JMJD1C: variants seen among roughly 807,000 people sequenced by gnomAD.
The protein encoded by JMJD1C is jumonji domain-containing protein 1C.
JMJD1C carries 31 observed loss-of-function variants against 245.3 expected under a neutral mutation model. The ratio of observed to expected loss-of-function variants is 0.13; its 90% CI spans 0.09 to 0.17. JMJD1C has a LOEUF of 0.17. Ranked by LOEUF, JMJD1C falls within the 10% of genes least tolerant of loss-of-function variation. JMJD1C has a pLI of 1.00. For missense variants in JMJD1C, 2,691 were observed against 3,000.2 expected, an observed-to-expected ratio of 0.90 and a Z score of 2.41; for synonymous variants, 1,057 against 1,017.4, an observed-to-expected ratio of 1.04 and a Z score of -0.74.
intron 2 of JMJD1C, among the ~76,000 whole-genome samples, chr10:63,358,290 T>C (rs1945034422): frequency 1.3e-5 from 2 of 152,056 alleles, no homozygotes; most frequent in African/African-American, 4.8e-5. Context: ...TACAACATCA[T>C]AGAAATCCTG....
upstream of JMJD1C, among the ~76,000 whole-genome samples, chr10:63,470,169 TATA>T (rs1953444865): frequency 6.6e-6 from 1 of 152,134 alleles, no homozygotes; most frequent in South Asian, 2.1e-4. Context: ...TTTTTCCCTT[TATA>T]GGATATATAA....
intron 1 of JMJD1C, among the ~76,000 whole-genome samples, chr10:63,435,803 A>C (rs1341702202): frequency 6.6e-6 from 1 of 152,166 alleles, no homozygotes; most frequent in South Asian, 2.1e-4. Context: ...GGAGGCTGAG[A>C]TATGAGAACT....
At chr10:63,517,713 G>A (rs985253842) in intron 1 of JMJD1C, among the ~76,000 whole-genome samples, 64 of 151,412 alleles carry the variant, frequency 4.2e-4, no homozygotes, top group Admixed American at 4.1e-3. Flanking sequence ...CTAGGCAGAA[G>A]GTACTATATT....
chr10:63,170,015 AT>A (rs149444644), intron 24 of JMJD1C, among the ~76,000 whole-genome samples: 162 of 152,268 alleles, frequency 1.1e-3, no homozygotes, highest in African/African-American at 3.9e-3. Flanking sequence ...TATGTCTTTC[AT>A]TTATCTGAAC....
chr10:63,193,328 C>A lies in JMJD1C; in HGVS notation c.5862+17G>T. The A allele has an allele frequency of 6.3e-7, 1 of 1,575,052 alleles. No homozygotes were observed. The highest frequency in any genetic ancestry group is 1.2e-5 in the South Asian group (1 of 84,702). ...TAACCACAGATTTTATTTGAATAACCAGAGATTTTTACTCACTTGAGATAC... is the reference window on the plus strand; with the variant it reads ...TAACCACAGATTTTATTTGAATAACAAGAGATTTTTACTCACTTGAGATAC... On this transcript the variant is annotated intron_variant, in intron 15 of 25. Transcript: ENST00000399262.
At chr10:63,202,719 T>C (rs1846164391) in intron 10 of JMJD1C, 1 of 985,326 alleles carries the variant, frequency 1.0e-6, no homozygotes, top group Admixed American at 6.1e-5. Context: ...ATAAACCCAT[T>C]TCCAGAAGAC....
chr10:63,363,185 G>A (rs1041812360), intron 2 of JMJD1C, among the ~76,000 whole-genome samples: 3 of 151,402 alleles, frequency 2.0e-5, no homozygotes, highest in Non-Finnish European at 4.4e-5. Context: ...AAGTGGTGAA[G>A]AGGTTAGCTT....
At chr10:63,427,428 G>T in intron 1 of JMJD1C, 2 of 1,133,986 alleles carry the variant, frequency 1.8e-6, no homozygotes, top group Admixed American at 1.8e-5. Context: ...ACCGGGAGGT[G>T]ACTGCTGACC....
chr10:63,452,400 A>G (rs1952126206), intron 1 of JMJD1C, among the ~76,000 whole-genome samples: 2 of 152,226 alleles, frequency 1.3e-5, no homozygotes, highest in African/African-American at 4.8e-5. Flanking sequence ...CACACTCACT[A>G]GGATGGCTAT....
intron 16 of JMJD1C, 130 bp downstream of exon 16, chr10:63,192,808 A>G (rs958295249): frequency 4.3e-6 from 3 of 695,594 alleles, no homozygotes; most frequent in Non-Finnish European, 7.3e-6. Context: ...AACCTAACCC[A>G]TAATTCAAGA....
intron 8 of JMJD1C, among the ~76,000 whole-genome samples, chr10:63,213,181 T>C (rs1371586935): frequency 9.4e-5 from 13 of 137,844 alleles, no homozygotes; most frequent in African/African-American, 3.2e-4. Context: ...TGAGACTCCA[T>C]CTCAAAAAAA....
chr10:63,264,591 C>A, intron 3 of JMJD1C, 60 bp downstream of exon 3: 1 of 747,734 alleles, frequency 1.3e-6, no homozygotes, highest in Non-Finnish European at 2.2e-6. Flanking sequence ...TAAAGAATGT[C>A]TGAATATCAA....
chr10:63,456,752 A>T (rs1203393557), intron 1 of JMJD1C, among the ~76,000 whole-genome samples: 1 of 152,158 alleles, frequency 6.6e-6, no homozygotes, highest in South Asian at 2.1e-4. Flanking sequence ...AATTTTCATA[A>T]GCAATATAGC....
intron 2 of JMJD1C, among the ~76,000 whole-genome samples, chr10:63,293,128 TC>T (rs1228687816): frequency 2.0e-5 from 3 of 152,178 alleles, no homozygotes. Flanking sequence ...CACATTCTAA[TC>T]CCCATTATCA....
At chr10:63,394,853 A>G (rs534589954) in intron 1 of JMJD1C, among the ~76,000 whole-genome samples, 19 of 151,924 alleles carry the variant, frequency 1.3e-4, no homozygotes, top group African/African-American at 4.6e-4. Context: ...ACAAAAAAAA[A>G]AAAAAGTGAT....
chr10:63,375,184 T>G (rs1022956074), intron 2 of JMJD1C, among the ~76,000 whole-genome samples: 3 of 18,278 alleles, frequency 1.6e-4, no homozygotes, highest in Non-Finnish European at 6.8e-4. Flanking sequence ...AAAAATTGGC[T>G]TTTTTTTTTT....
At chr10:63,434,043 T>C (rs1310214759) in intron 1 of JMJD1C, among the ~76,000 whole-genome samples, 1 of 152,102 alleles carries the variant, frequency 6.6e-6, no homozygotes, top group African/African-American at 2.4e-5. Context: ...AAATCCCAAA[T>C]CCAGTTTTTA....
At chr10:63,168,285 A>C (rs1842030160) in intron 25 of JMJD1C, 150 bp downstream of exon 25, 1 of 1,000,674 alleles carries the variant, frequency 1.0e-6, no homozygotes, top group African/African-American at 1.6e-5. Flanking sequence ...GGACACTATA[A>C]ATCATACAAT....
intron 1 of JMJD1C, among the ~76,000 whole-genome samples, chr10:63,423,852 TA>T (rs1267256254): frequency 6.6e-6 from 1 of 152,214 alleles, no homozygotes; most frequent in Non-Finnish European, 1.5e-5. Context: ...GTCATATTAG[TA>T]AGTTTGAATC....
Sources: allele counts gnomAD v4.1 joint callset (sites outside exome capture counted in the v4.1 genomes callset), GRCh38; gene constraint gnomAD v4.1.1; transcripts MANE v1.5; gene names NCBI Gene and HGNC (gene_info 2026-07-23, HGNC 2026-07-21).